Variants in LEO1 observed in about 807,000 individuals in gnomAD.
LEO1 encodes RNA polymerase-associated protein LEO1.
In LEO1, 34 loss-of-function variants were observed where a neutral mutation model predicts 80.4. The observed-to-expected ratio is 0.42, with a 90% confidence interval of 0.32 to 0.56. LEO1 has a LOEUF of 0.56. Among genes scored for constraint, LEO1 ranks in the 20% least tolerant of loss-of-function variants. The probability of loss-of-function intolerance (pLI) is 0.10; values close to 1 mark genes in which losing one functional copy is unlikely to be tolerated. For synonymous variants in LEO1, 262 were observed against 274.9 expected (o/e 0.95, Z 0.46); for missense variants, 631 against 814.2 (o/e 0.77, Z 2.74).
chr15:51,971,396 C>A (rs754804732), intron 1 of LEO1, among the ~76,000 whole-genome samples: 1 of 152,244 alleles, frequency 6.6e-6, no homozygotes, highest in Non-Finnish European at 1.5e-5. Context: ...AACGTTCCTA[C>A]CCGCGCTGCG....
At chr15:51,962,142 G>A (rs1450428741) in intron 3 of LEO1, among the ~76,000 whole-genome samples, 2 of 150,078 alleles carry the variant, frequency 1.3e-5, no homozygotes, top group South Asian at 2.1e-4. Context: ...CAGCGTGGGT[G>A]ACAGAGCAAG....
chr15:51,961,858 G>A (rs906855876), intron 3 of LEO1, among the ~76,000 whole-genome samples: 1 of 151,184 alleles, frequency 6.6e-6, no homozygotes, highest in Non-Finnish European at 1.5e-5. Flanking sequence ...CCCTAATAAT[G>A]AATTCACTCT....
At chr15:51,955,453 C>T (rs969131224) in intron 6 of LEO1, among the ~76,000 whole-genome samples, 4 of 152,100 alleles carry the variant, frequency 2.6e-5, no homozygotes, top group African/African-American at 9.7e-5. Flanking sequence ...GGGGAAACAC[C>T]AGAGTTGGCA....
Position 51,953,187 on chromosome 15 carries a change from T to C in LEO1, c.1417A>G (p.Ile473Val), listed in dbSNP as rs2056962678. 6.2e-7 allele frequency: 1 copy of C among 1,613,852 alleles called. No individual in the cohort carries two copies. The highest frequency in any genetic ancestry group is 1.1e-5 in the South Asian group (1 of 91,088). ...PLQGDHNHLFIRQGTGLQGQA... is the reference protein window; with the variant it reads ...PLQGDHNHLFVRQGTGLQGQA... ...CCCTGTAGACCAGTACCTTGTCTTA[T>C]AAAAAGATGATTGTGGTCGCCCTGC... The change falls in exon 8 of 12, where the codon ATA (isoleucine) becomes GTA (valine). Residue 473 changes from isoleucine (I) to valine (V), a missense_variant. Around this residue, in one of 4 missense-constraint regions of LEO1, gnomAD observed 25 missense variants for 83.5 expected, o/e 0.30. Coordinates refer to ENST00000299601, the MANE Select transcript of LEO1 (RefSeq NM_138792.4).
chr15:51,962,931 C>T (rs1392699530), intron 2 of LEO1, among the ~76,000 whole-genome samples: 1 of 150,056 alleles, frequency 6.7e-6, no homozygotes, highest in East Asian at 2.0e-4. Flanking sequence ...ACATGCCCCC[C>T]CCCCAAAAAA....
chr15:51,967,123 C>T (rs2057084361), intron 1 of LEO1, among the ~76,000 whole-genome samples: 1 of 151,992 alleles, frequency 6.6e-6, no homozygotes, highest in Non-Finnish European at 1.5e-5. Context: ...TAAGTTATAC[C>T]AATGTATGCA....
At chr15:51,945,322 A>G (rs1011697015) in intron 11 of LEO1, among the ~76,000 whole-genome samples, 7 of 147,898 alleles carry the variant, frequency 4.7e-5, no homozygotes, top group African/African-American at 1.7e-4. Flanking sequence ...TGGCCCTATC[A>G]TATTTCTGCC....
rs1595946750 is a variant in LEO1 at position 51,965,744 on chromosome 15, A to G, written c.814+5T>C. 1 of 1,598,992 alleles carries G rather than the reference A, an allele frequency of 6.3e-7. No homozygotes were observed. The highest frequency in any genetic ancestry group is 2.2e-5 in the East Asian group (1 of 44,764). ...GAGCCATTCTGGTTCTCATAAATGT[A>G]TTACCTGATTTATGATCCTGTTCCT... is the stretch of plus-strand genomic sequence containing the variant. On this transcript the variant is annotated splice_donor_5th_base_variant and intron_variant, in intron 2 of 11. Coordinates refer to ENST00000299601, the MANE Select transcript of LEO1 (RefSeq NM_138792.4).
chr15:51,945,260 T>TAAAAAAAAAAAAA (rs1188931644), intron 11 of LEO1, among the ~76,000 whole-genome samples: 1 of 18,104 alleles, frequency 5.5e-5, no homozygotes, highest in African/African-American at 4.0e-4. Flanking sequence ...CTACAAAAAA[T>TAAAAAAAAAAAAA]ACAAAAAAAA....
chr15:51,953,386 A>G, intron 7 of LEO1, 123 bp from the exon 8 acceptor site: 4 of 923,948 alleles, frequency 4.3e-6, no homozygotes, highest in Non-Finnish European at 1.6e-6. Context: ...ACTTTGGGAC[A>G]CCAAGGCAGG....
Position 51,966,012 on chromosome 15 carries a change from T to C in LEO1, c.551A>G (p.Lys184Arg). The change falls in exon 2 of 12, where the codon AAA (lysine) becomes AGA (arginine). Residue 184 changes from lysine to arginine, a missense_variant. Transcript: ENST00000299601. ...DKLQNSDDDE[K>R]MQNTDDEERP... The stretch of plus-strand genomic sequence containing the variant: ...CTCCTCATCATCTGTGTTCTGCATT[T>C]TCTCATCATCGTCAGAATTCTGCAG... 1 of 1,614,060 alleles carries C rather than the reference T, an allele frequency of 6.2e-7. No homozygotes were observed. Among genetic ancestry groups the C allele is most frequent in the East Asian group, 2.2e-5 (1 of 44,902 alleles).
rs1327287785 is a variant in LEO1 at position 51,965,861 on chromosome 15, T to C, written c.702A>G (p.Gln234=). The C allele has an allele frequency of 6.2e-7, 1 of 1,614,018 alleles. No individual in the cohort carries two copies. The highest frequency in any genetic ancestry group is 1.3e-5 in the African/African-American group (1 of 74,918). Reference sequence around the variant, plus strand: ...TTTTCTCTTCATCAGACAGCTGTGGTTGTTCTTCATCATCAGAATTCTGTT... The same window carrying C: ...TTTTCTCTTCATCAGACAGCTGTGGCTGTTCTTCATCATCAGAATTCTGTT... The part of the protein sequence containing the change: ...DEKQNSDDEE[Q]PQLSDEEKMQ... Residue 234 remains glutamine, a synonymous_variant, in exon 2 of 12, where the codon CAA becomes CAG. Transcript: ENST00000299601.
intron 11 of LEO1, among the ~76,000 whole-genome samples, chr15:51,940,254 CAAAAA>C (rs745641318): frequency 2.6e-5 from 1 of 37,928 alleles, no homozygotes; most frequent in Non-Finnish European, 4.9e-5. Context: ...GACTCCGTAT[CAAAAA>C]AAAAAAAAAA....
At chr15:51,968,566 C>T (rs1566889273) in intron 1 of LEO1, among the ~76,000 whole-genome samples, 1 of 151,942 alleles carries the variant, frequency 6.6e-6, no homozygotes. Context: ...CGCAGTGGCT[C>T]ACGCCTGTAA....
rs755770205 is a variant in LEO1, at chr15:51,960,058, C to T, written c.1015-14G>A. On this transcript the variant is annotated splice_polypyrimidine_tract_variant and intron_variant, in intron 4 of 11. Coordinates refer to ENST00000299601, the MANE Select transcript of LEO1 (RefSeq NM_138792.4). ...TCCATTTTCATCCTAGTGAAAGAAT[C>T]GGAAGTTTGGAGCTTGACAGGACCT... 24 of 1,607,086 alleles carry T rather than the reference C, an allele frequency of 1.5e-5. No individual in the cohort carries two copies. Among genetic ancestry groups the T allele is most frequent in the Non-Finnish European group, 1.9e-5 (22 of 1,177,728 alleles).
At chr15:51,964,446 T>C (rs2141777614) in intron 2 of LEO1, among the ~76,000 whole-genome samples, 1 of 151,886 alleles carries the variant, frequency 6.6e-6, no homozygotes, top group Admixed American at 6.6e-5. Context: ...AAATGCCTAA[T>C]GTAAATGACG....
At chr15:51,946,954 C>A (rs1455046480) in intron 11 of LEO1, 1 of 253,798 alleles carries the variant, frequency 3.9e-6, no homozygotes, top group Non-Finnish European at 7.5e-6. Flanking sequence ...CTTGGATTAG[C>A]CTTGGTATGT....
intron 10 of LEO1, among the ~76,000 whole-genome samples, chr15:51,948,574 T>C (rs970972927): frequency 1.3e-5 from 2 of 152,090 alleles, no homozygotes; most frequent in Non-Finnish European, 2.9e-5. Flanking sequence ...TAAATTTGGG[T>C]GTTTTAAAAA....
intron 2 of LEO1, among the ~76,000 whole-genome samples, chr15:51,964,210 A>G (rs1335873061): frequency 6.6e-6 from 1 of 152,152 alleles, no homozygotes; most frequent in Non-Finnish European, 1.5e-5. Flanking sequence ...CGTCTCAAAA[A>G]AAAAAAAAGG....
Sources: gnomAD v4.1 joint callset for allele counts (sites outside exome capture counted in the v4.1 genomes callset) on GRCh38, gnomAD v4.1.1 for gene constraint, gnomAD v4.1.1 regional missense constraint, MANE v1.5 for transcripts, NCBI Gene and HGNC (gene_info 2026-07-23, HGNC 2026-07-21) for gene names.